OR2G3: variants seen among roughly 807,000 people sequenced by gnomAD.
The protein encoded by OR2G3 is olfactory receptor 2G3.
For missense variants in OR2G3, 375 were observed against 364.4 expected, an observed-to-expected ratio of 1.03 and a Z score of -0.24; for synonymous variants, 154 against 144.5, an observed-to-expected ratio of 1.07 and a Z score of -0.47.
chr1:247,605,663 T>C lies in OR2G3; in HGVS notation c.78T>C (p.Val26=). The C allele has an allele frequency of 6.2e-7, 1 of 1,613,932 alleles. No individual in the cohort carries two copies. Among genetic ancestry groups the C allele is most frequent in the Non-Finnish European group, 8.5e-7 (1 of 1,179,854 alleles). Reference sequence around the variant, plus strand: ...CAGACCACCCTCGTCTGGAGGCTGTTCTCTTTGTATTTGTCCTTTTCTTCT... The same window carrying C: ...CAGACCACCCTCGTCTGGAGGCTGTCCTCTTTGTATTTGTCCTTTTCTTCT... The part of the protein sequence containing the change: ...GFSDHPRLEA[V]LFVFVLFFYL... Residue 26 remains valine (V), a synonymous_variant, in exon 1 of 1, where the codon GTT becomes GTC. Transcript: ENST00000320002.
In OR2G3 at chr1:247,605,978, C is replaced by T; in HGVS notation, c.393C>T (p.His131=). The T allele has an allele frequency of 6.2e-7, 1 of 1,614,182 alleles. No homozygotes were observed. Among genetic ancestry groups the T allele is most frequent in the Middle Eastern group, 1.6e-4 (1 of 6,062 alleles). Residue 131 remains histidine, a synonymous_variant, in exon 1 of 1, where the codon CAC becomes CAT. Coordinates refer to ENST00000320002, the MANE Select transcript of OR2G3 (RefSeq NM_001001914.1). ...ACATTGCTGTCTGCAAACCCCTCCACTATGTAGTCATCATGAACCCACGGC... is the reference window on the plus strand; with the variant it reads ...ACATTGCTGTCTGCAAACCCCTCCATTATGTAGTCATCATGAACCCACGGC... The part of the protein sequence containing the change: ...DRYIAVCKPL[H]YVVIMNPRLC...
chr1:247,605,860 T>A lies in OR2G3; in HGVS notation c.275T>A (p.Ile92Asn), dbSNP rs1399842315. 3 of 1,614,178 alleles carry A rather than the reference T, an allele frequency of 1.9e-6. No homozygotes were observed. In the South Asian group the frequency reaches 3.3e-5, roughly 18 times the overall value. ...LVNLQRPKKT[I>N]TYGGCVAQLY... ...AACTTGCAAAGACCAAAGAAGACGA[T>A]CACTTACGGTGGTTGTGTGGCGCAA... The change falls in exon 1 of 1, where the codon ATC becomes AAC. Residue 92 changes from isoleucine (I) to asparagine (N), a missense_variant. By Grantham distance (149) the Ile-to-Asn change is moderately radical. Transcript: ENST00000320002.
rs1476301324 is a variant in OR2G3 at position 247,605,947 on chromosome 1, ATCGGTACATTGCTG to A, written c.365_378del (p.Arg122LeufsTer29). 1 of 1,613,954 alleles carries A rather than the reference ATCGGTACATTGCTG, an allele frequency of 6.2e-7. No individual in the cohort carries two copies. The highest frequency in any genetic ancestry group is 1.3e-5 in the African/African-American group (1 of 74,866). ...ATCCTCTTGGCTGACATGGCCTTGGATCGGTACATTGCTGTCTGCAAACCCCTCCACTATGTAGT... is the reference window on the plus strand; with the variant it reads ...ATCCTCTTGGCTGACATGGCCTTGGATCTGCAAACCCCTCCACTATGTAGT... On this transcript the variant is annotated frameshift_variant, in exon 1 of 1. Coordinates refer to ENST00000320002, the MANE Select transcript of OR2G3 (RefSeq NM_001001914.1). LOFTEE classifies it low-confidence loss of function (END_TRUNC).
rs534661893 is a variant in OR2G3 at position 247,606,383 on chromosome 1, T to C, written c.798T>C (p.Tyr266=). ...TGTACCTGCAACCTAGTGACAGCTA[T>C]GCCCAGGACCAAGGGAAGTTTATCT... ...IYVYLQPSDS[Y]AQDQGKFISL... The change falls in exon 1 of 1, where the codon TAT becomes TAC. Residue 266 remains tyrosine (Y), a synonymous_variant. Transcript: ENST00000320002. 5 of 1,614,128 alleles carry C rather than the reference T, an allele frequency of 3.1e-6. No homozygotes were observed. The highest frequency in any genetic ancestry group is 3.3e-5 in the Admixed American group (2 of 60,018).
Position 247,605,651 on chromosome 1 carries a change from T to TC in OR2G3, c.67dup (p.Leu23ProfsTer54). Reference sequence around the variant, plus strand: ...TTCTAGGCTTCTCAGACCACCCTCGTCTGGAGGCTGTTCTCTTTGTATTTG... The same window carrying TC: ...TTCTAGGCTTCTCAGACCACCCTCGTCCTGGAGGCTGTTCTCTTTGTATTTG... On this transcript the variant is annotated frameshift_variant, in exon 1 of 1. Transcript: ENST00000320002. LOFTEE classifies it low-confidence loss of function (END_TRUNC). 1.2e-6 allele frequency: 2 copies of TC among 1,614,074 alleles called. No individual in the cohort carries two copies. Among genetic ancestry groups the TC allele is most frequent in the Non-Finnish European group, 1.7e-6 (2 of 1,179,946 alleles).
In OR2G3 at chr1:247,606,467, C is replaced by G; in HGVS notation, c.882C>G (p.Asn294Lys). ...ATCCTATCATCTATACTTTAAGGAA[C>G]AAGGATATGAAAGAGGCTCTGAGGA... ...TLNPIIYTLRNKDMKEALRKL... is the reference protein window; with the variant it reads ...TLNPIIYTLRKKDMKEALRKL... The change falls in exon 1 of 1, where the codon AAC becomes AAG. Residue 294 changes from asparagine (N) to lysine (K), a missense_variant. Asn to Lys is a moderately conservative substitution (Grantham distance 94). Coordinates refer to ENST00000320002, the MANE Select transcript of OR2G3 (RefSeq NM_001001914.1). The G allele has an allele frequency of 6.2e-7, 1 of 1,612,582 alleles. No individual in the cohort carries two copies. The highest frequency in any genetic ancestry group is 1.1e-5 in the South Asian group (1 of 90,932).
Position 247,606,303 on chromosome 1 carries a change from A to T in OR2G3, c.718A>T (p.Thr240Ser), listed in dbSNP as rs1669391925. ...SVEARHKAFS[T>S]CSSHLTVVII... ...AGAGGCAAGGCACAAAGCCTTCAGC[A>T]CCTGCTCCTCCCACCTTACAGTGGT... The change falls in exon 1 of 1, where the codon ACC becomes TCC. Residue 240 changes from threonine to serine, a missense_variant. Coordinates refer to ENST00000320002, the MANE Select transcript of OR2G3 (RefSeq NM_001001914.1). 6.2e-7 allele frequency: 1 copy of T among 1,614,122 alleles called. No individual in the cohort carries two copies. The highest frequency in any genetic ancestry group is 1.3e-5 in the African/African-American group (1 of 75,040).
chr1:247,605,710 A>G lies in OR2G3; in HGVS notation c.125A>G (p.Asn42Ser). Residue 42 changes from asparagine to serine, a missense_variant, in exon 1 of 1, where the codon AAC becomes AGC. By Grantham distance (46) the Asn-to-Ser change is conservative. Transcript: ENST00000320002. The part of the protein sequence containing the change: ...LFFYLLTLVG[N>S]FTIIIISYLD... ...TTCTACCTCCTGACCCTTGTGGGAA[A>G]CTTCACCATAATCATCATCTCATAT... The G allele has an allele frequency of 6.2e-7, 1 of 1,613,342 alleles. No individual in the cohort carries two copies. Among genetic ancestry groups the G allele is most frequent in the Non-Finnish European group, 8.5e-7 (1 of 1,179,380 alleles).
Position 247,606,305 on chromosome 1 carries a change from C to G in OR2G3, c.720C>G (p.Thr240=). The G allele has an allele frequency of 1.2e-6, 2 of 1,614,158 alleles. No homozygotes were observed. Among genetic ancestry groups the G allele is most frequent in the East Asian group, 2.2e-5 (1 of 44,872 alleles). The change falls in exon 1 of 1, where the codon ACC becomes ACG. Residue 240 remains threonine (T), a synonymous_variant. Coordinates refer to ENST00000320002, the MANE Select transcript of OR2G3 (RefSeq NM_001001914.1). The part of the protein sequence containing the change: ...SVEARHKAFS[T]CSSHLTVVII... ...AGGCAAGGCACAAAGCCTTCAGCAC[C>G]TGCTCCTCCCACCTTACAGTGGTGA...
chr1:247,606,095 C>G lies in OR2G3; in HGVS notation c.510C>G (p.Gly170=). The change falls in exon 1 of 1, where the codon GGC becomes GGG. Residue 170 remains glycine (G), a synonymous_variant. Coordinates refer to ENST00000320002, the MANE Select transcript of OR2G3 (RefSeq NM_001001914.1). ...TTACCTTGCAATTGCCTCTCTGTGG[C>G]AACCATAGGCTGGACCATTTTATTT... is the stretch of plus-strand genomic sequence containing the variant. ...ATFTLQLPLC[G]NHRLDHFICE... is the part of the protein sequence containing the mutation. The G allele has an allele frequency of 6.2e-7, 1 of 1,614,218 alleles. No individual in the cohort carries two copies. The highest frequency in any genetic ancestry group is 8.5e-7 in the Non-Finnish European group (1 of 1,180,032).
Position 247,605,717 on chromosome 1 carries a change from C to T in OR2G3, c.132C>T (p.Thr44=), listed in dbSNP as rs1669378113. 6.2e-7 allele frequency: 1 copy of T among 1,613,868 alleles called. No individual in the cohort carries two copies. ...TCCTGACCCTTGTGGGAAACTTCAC[C>T]ATAATCATCATCTCATATCTGGATC... ...FYLLTLVGNF[T]IIIISYLDPP... The change falls in exon 1 of 1, where the codon ACC becomes ACT. Residue 44 remains threonine (T), a synonymous_variant. Coordinates refer to ENST00000320002, the MANE Select transcript of OR2G3 (RefSeq NM_001001914.1).
Position 247,606,271 on chromosome 1 carries a change from A to G in OR2G3, c.686A>G (p.Lys229Arg), listed in dbSNP as rs61744523. The G allele has an allele frequency of 2.0e-5, 32 of 1,613,984 alleles. No individual in the cohort carries two copies. The highest frequency in any genetic ancestry group is 3.3e-4 in the Middle Eastern group (2 of 6,084). ...GFITQAVLRI[K>R]SVEARHKAFS... ...ATAACTCAAGCTGTGCTGAGGATCA[A>G]ATCAGTAGAGGCAAGGCACAAAGCC... Residue 229 changes from lysine (K) to arginine (R), a missense_variant, in exon 1 of 1, where the codon AAA becomes AGA. By Grantham distance (26) the Lys-to-Arg change is conservative. Transcript: ENST00000320002.
In OR2G3 at chr1:247,605,668, T is replaced by C; in HGVS notation, c.83T>C (p.Phe28Ser). The change falls in exon 1 of 1, where the codon TTT becomes TCT. Residue 28 changes from phenylalanine to serine, a missense_variant. Coordinates refer to ENST00000320002, the MANE Select transcript of OR2G3 (RefSeq NM_001001914.1). ...SDHPRLEAVL[F>S]VFVLFFYLLT... ...CACCCTCGTCTGGAGGCTGTTCTCT[T>C]TGTATTTGTCCTTTTCTTCTACCTC... The C allele has an allele frequency of 6.2e-7, 1 of 1,613,794 alleles. No homozygotes were observed.
chr1:247,606,181 T>C lies in OR2G3; in HGVS notation c.596T>C (p.Leu199Pro). 1.2e-6 allele frequency: 2 copies of C among 1,614,216 alleles called. No homozygotes were observed. Among genetic ancestry groups the C allele is most frequent in the East Asian group, 2.2e-5 (1 of 44,890 alleles). Residue 199 changes from leucine to proline, a missense_variant, in exon 1 of 1, where the codon CTT becomes CCT. By Grantham distance (98) the Leu-to-Pro change is moderately conservative (BLOSUM62 -3). Coordinates refer to ENST00000320002, the MANE Select transcript of OR2G3 (RefSeq NM_001001914.1). ...CVDTTVNELV[L>P]FVVSVLFVVI... ...GACACCACTGTCAATGAATTGGTGC[T>C]TTTTGTTGTTAGTGTTCTGTTTGTT...
chr1:247,606,476 GA>G lies in OR2G3; in HGVS notation c.894del (p.Glu299ArgfsTer3). Reference protein sequence around the residue: ...IIYTLRNKDMKEALRKLLSGK... With the variant: ...IIYTLRNKDMXEALRKLLSGK... Reference sequence around the variant, plus strand: ...TCTATACTTTAAGGAACAAGGATATGAAAGAGGCTCTGAGGAAACTTCTCTC... The same window carrying G: ...TCTATACTTTAAGGAACAAGGATATGAAGAGGCTCTGAGGAAACTTCTCTC... On this transcript the variant is annotated frameshift_variant, in exon 1 of 1. Transcript: ENST00000320002. LOFTEE classifies it low-confidence loss of function (END_TRUNC). The G allele has an allele frequency of 1.9e-6, 3 of 1,610,362 alleles. No homozygotes were observed. Among genetic ancestry groups the G allele is most frequent in the Non-Finnish European group, 1.7e-6 (2 of 1,178,506 alleles).
At position 247,606,127 on chromosome 1, in the gene OR2G3, T is replaced by A; in HGVS notation, c.542T>A (p.Val181Glu). Residue 181 changes from valine to glutamate, a missense_variant, in exon 1 of 1, where the codon GTA becomes GAA. Transcript: ENST00000320002. ...NHRLDHFICEVPALLKLACVD... is the reference protein window; with the variant it reads ...NHRLDHFICEEPALLKLACVD... ...AGGCTGGACCATTTTATTTGCGAAG[T>A]ACCAGCTCTTCTCAAGTTGGCTTGT... 6.2e-7 allele frequency: 1 copy of A among 1,614,224 alleles called. No homozygotes were observed. The highest frequency in any genetic ancestry group is 1.3e-5 in the African/African-American group (1 of 75,050).
chr1:247,605,743 C>A lies in OR2G3; in HGVS notation c.158C>A (p.Pro53His). 1 of 1,613,944 alleles carries A rather than the reference C, an allele frequency of 6.2e-7. No homozygotes were observed. Among genetic ancestry groups the A allele is most frequent in the Non-Finnish European group, 8.5e-7 (1 of 1,179,964 alleles). ...FTIIIISYLD[P>H]PLHTPMYFFL... is the part of the protein sequence containing the mutation. The stretch of plus-strand genomic sequence containing the variant: ...ATAATCATCATCTCATATCTGGATC[C>A]CCCTCTTCATACCCCAATGTACTTT... The change falls in exon 1 of 1, where the codon CCC becomes CAC. Residue 53 changes from proline (P) to histidine (H), a missense_variant. Transcript: ENST00000320002.
At position 247,606,363 on chromosome 1, in the gene OR2G3, C is replaced by T; in HGVS notation, c.778C>T (p.Leu260=). Residue 260 remains leucine (L), a synonymous_variant, in exon 1 of 1, where the codon CTG becomes TTG. Coordinates refer to ENST00000320002, the MANE Select transcript of OR2G3 (RefSeq NM_001001914.1). ...IFYGTIIYVY[L]QPSDSYAQDQ... is the part of the protein sequence containing the mutation. ...CTATGGCACCATAATCTACGTGTAC[C>T]TGCAACCTAGTGACAGCTATGCCCA... The T allele has an allele frequency of 6.2e-7, 1 of 1,614,180 alleles. No homozygotes were observed. Among genetic ancestry groups the T allele is most frequent in the Non-Finnish European group, 8.5e-7 (1 of 1,180,034 alleles).
Position 247,606,435 on chromosome 1 carries a change from A to C in OR2G3, c.850A>C (p.Thr284Pro), listed in dbSNP as rs773044341. The C allele has an allele frequency of 5.6e-6, 9 of 1,613,648 alleles. No individual in the cohort carries two copies. The highest frequency in any genetic ancestry group is 7.6e-6 in the Non-Finnish European group (9 of 1,179,684). The change falls in exon 1 of 1, where the codon ACT (threonine) becomes CCT (proline). Residue 284 changes from threonine (T) to proline (P), a missense_variant. Transcript: ENST00000320002. ...CCTCTTCTACACCATGGTGACCCCC[A>C]CTTTAAATCCTATCATCTATACTTT... ...ISLFYTMVTP[T>P]LNPIIYTLRN...
Sources: allele counts gnomAD v4.1 joint callset, GRCh38; gene constraint gnomAD v4.1.1; transcripts MANE v1.5; gene names NCBI Gene and HGNC (gene_info 2026-07-23, HGNC 2026-07-21).